The following INPP5D variants were observed in gnomAD, a reference collection of about 807,000 sequenced individuals.
INPP5D encodes inositol polyphosphate-5-phosphatase D, also known as phosphatidylinositol 3,4,5-trisphosphate 5-phosphatase 1.
A neutral mutation model predicts 122.9 loss-of-function variants in INPP5D; 33 were observed. That is an observed-to-expected ratio of 0.27 (90% CI 0.20 to 0.36). INPP5D has a LOEUF of 0.36. Ranked by LOEUF, INPP5D falls within the 10% of genes least tolerant of loss-of-function variation. INPP5D has a pLI of 1.00. For synonymous variants in INPP5D, 584 were observed against 576.2 expected, an observed-to-expected ratio of 1.01 and a Z score of -0.19; for missense variants, 1,053 against 1,412.7, an observed-to-expected ratio of 0.75 and a Z score of 4.08.
intron 5 of INPP5D, among the ~76,000 whole-genome samples, chr2:233,134,771 T>G (rs961947235): frequency 1.3e-5 from 2 of 152,202 alleles, no homozygotes; most frequent in African/African-American, 4.8e-5. Context: ...CAATACAATA[T>G]CTATTACATG....
chr2:233,080,979 A>G (rs958712067), intron 2 of INPP5D, among the ~76,000 whole-genome samples: 3 of 152,200 alleles, frequency 2.0e-5, no homozygotes, highest in African/African-American at 7.2e-5. Context: ...CTCCCTGCGT[A>G]GTTAGGCTGG....
At position 233,207,698 on chromosome 2, in the gene INPP5D, T is replaced by C. The variant is rs1695550080; in HGVS notation, c.*990T>C. 6.6e-6 allele frequency: 1 copy of C among 152,374 alleles called. No homozygotes were observed. Among genetic ancestry groups the C allele is most frequent in the Non-Finnish European group, 1.5e-5 (1 of 68,054 alleles). 9.4% of individuals were successfully genotyped at this position (152,374 alleles called of 1,614,324 possible). ...AGGCTCTTGAAATAGTGCAGCCTTT[T>C]CTTCCTATCTCTGTGGCTTTCAGCT... is the stretch of plus-strand genomic sequence containing the variant. On this transcript the variant is annotated 3_prime_UTR_variant, in exon 27 of 27. Coordinates refer to ENST00000445964, the MANE Select transcript of INPP5D (RefSeq NM_001017915.3). This position sits in a 1 kb window ranked among gnomAD's most constrained non-coding sequence, Gnocchi z 4.6.
chr2:233,170,946 G>C lies in INPP5D; in HGVS notation c.1901-118G>C. On this transcript the variant is annotated intron_variant, in intron 16 of 26. Coordinates refer to ENST00000445964, the MANE Select transcript of INPP5D (RefSeq NM_001017915.3). This position sits in a 1 kb window ranked among gnomAD's most constrained non-coding sequence, Gnocchi z 4.5. ...AAAAGCAGCAGCCTCTCCTCTTGGAGCCTTTCCAGCCATCCTTTCGTCCCC... is the reference window on the plus strand; with the variant it reads ...AAAAGCAGCAGCCTCTCCTCTTGGACCCTTTCCAGCCATCCTTTCGTCCCC... 1 of 1,262,360 alleles carries C rather than the reference G, an allele frequency of 7.9e-7. No individual in the cohort carries two copies. Among genetic ancestry groups the C allele is most frequent in the Non-Finnish European group, 1.1e-6 (1 of 917,802 alleles). The allele number at this position is 1,262,360 out of a possible 1,614,324, so 78.2% of individuals were successfully genotyped here. A position where few individuals can be genotyped will look rare whatever the true frequency, so the allele number is the denominator to read the frequency against.
chr2:233,109,561 GT>G lies in INPP5D; in HGVS notation c.199-12539del, dbSNP rs200417753. Among the ~76,000 whole-genome samples, 5 of 152,118 alleles carry G rather than the reference GT, an allele frequency of 3.3e-5. No homozygotes were observed. In the East Asian group the frequency reaches 5.8e-4, roughly 18 times the overall value. On this transcript the variant is annotated intron_variant, in intron 2 of 26. Coordinates refer to ENST00000445964, the MANE Select transcript of INPP5D (RefSeq NM_001017915.3). ...AAAATAGACACTTTTAGGCAAGATG[GT>G]TTTTTTCTTTCTTTTTTATTTTTTT...
At chr2:233,091,091 C>G (rs1297117422) in intron 2 of INPP5D, among the ~76,000 whole-genome samples, 1 of 152,180 alleles carries the variant, frequency 6.6e-6, no homozygotes, top group Non-Finnish European at 1.5e-5. Flanking sequence ...TCTTATGACA[C>G]TAAACTCCTT....
intron 2 of INPP5D, among the ~76,000 whole-genome samples, chr2:233,112,098 T>G (rs1692648245): frequency 6.6e-6 from 1 of 151,792 alleles, no homozygotes; most frequent in African/African-American, 2.4e-5. Context: ...TGTAATAACA[T>G]TTTTCCTCAA....
chr2:233,131,695 G>A (rs570214034), intron 5 of INPP5D, among the ~76,000 whole-genome samples: 4 of 152,238 alleles, frequency 2.6e-5, no homozygotes, highest in South Asian at 2.1e-4. Flanking sequence ...GCAAGACTCC[G>A]TCTCAAATAA....
At chr2:233,196,865 C>T (rs1344719640) in intron 24 of INPP5D, among the ~76,000 whole-genome samples, 1 of 152,124 alleles carries the variant, frequency 6.6e-6, no homozygotes, top group Non-Finnish European at 1.5e-5. Context: ...CCGCTGTACA[C>T]AGGAATTCTC....
chr2:233,120,768 C>T (rs1007796781), intron 2 of INPP5D: 1 of 152,282 alleles, frequency 6.6e-6, no homozygotes, highest in African/African-American at 2.4e-5. Flanking sequence ...CCGGCTAGAG[C>T]CACAGGGCTT....
intron 2 of INPP5D, among the ~76,000 whole-genome samples, chr2:233,117,290 G>A (rs911725660): frequency 6.6e-6 from 1 of 152,172 alleles, no homozygotes; most frequent in South Asian, 2.1e-4. Context: ...GAACCTGGAC[G>A]CTTCATCGGG....
At chr2:233,182,337 T>C (rs903222994) in intron 18 of INPP5D, 73 bp from the exon 19 acceptor site, 14 of 1,594,978 alleles carry the variant, frequency 8.8e-6, no homozygotes, top group Non-Finnish European at 1.1e-5. Context: ...CTTTCTGCTT[T>C]AGGGTTGCCA....
rs1446815290 is a variant in INPP5D at position 233,082,319 on chromosome 2, G to A, written c.198+2921G>A. The stretch of plus-strand genomic sequence containing the variant: ...AATTAAGCAGACTCAGAGCCCTTCG[G>A]GGAAGCTTTAGCAGTTATTGATCTC... On this transcript the variant is annotated intron_variant, in intron 2 of 26. Coordinates refer to ENST00000445964, the MANE Select transcript of INPP5D (RefSeq NM_001017915.3). The surrounding 1 kb of genome is among the most constrained non-coding windows in gnomAD (Gnocchi z 4.7). Among the ~76,000 whole-genome samples the A allele has an allele frequency of 6.6e-6, 1 of 152,140 alleles. No homozygotes were observed. The highest frequency in any genetic ancestry group is 2.4e-5 in the African/African-American group (1 of 41,434).
intron 2 of INPP5D, among the ~76,000 whole-genome samples, chr2:233,098,592 CTGTT>C (rs1692214993): frequency 6.6e-6 from 1 of 152,240 alleles, no homozygotes; most frequent in African/African-American, 2.4e-5. Flanking sequence ...GAAGCCTCAA[CTGTT>C]TGAAAAACCA....
rs530746394 is a variant in INPP5D at position 233,161,839 on chromosome 2, G to A, written c.1240+13G>A. ...ACCTGGAACATGGGTGGGTCCGCGC[G>A]CCCCCTCCCTGCAGTCACCCCCTCT... On this transcript the variant is annotated intron_variant, in intron 11 of 26. Coordinates refer to ENST00000445964, the MANE Select transcript of INPP5D (RefSeq NM_001017915.3). The A allele has an allele frequency of 8.7e-6, 14 of 1,607,718 alleles. No individual in the cohort carries two copies. The highest frequency in any genetic ancestry group is 2.2e-5 in the East Asian group (1 of 44,560).
intron 2 of INPP5D, among the ~76,000 whole-genome samples, chr2:233,083,642 G>A (rs1386538962): frequency 6.6e-6 from 1 of 152,184 alleles, no homozygotes; most frequent in Non-Finnish European, 1.5e-5. Context: ...TGCCTATCTT[G>A]AGCTGCTCGC....
chr2:233,202,038 A>T, intron 25 of INPP5D, among the ~76,000 whole-genome samples: 1 of 150,982 alleles, frequency 6.6e-6, no homozygotes, highest in East Asian at 2.0e-4. Context: ...CTCCTCTTAG[A>T]GGGAAGGCTT....
intron 1 of INPP5D, among the ~76,000 whole-genome samples, 175 bp downstream of exon 1, chr2:233,060,787 G>A (rs1473483744): frequency 6.6e-6 from 1 of 152,244 alleles, no homozygotes; most frequent in Non-Finnish European, 1.5e-5. Context: ...TCTCATGGCA[G>A]GTTTTGCAGC....
At chr2:233,148,826 C>G (rs1038425031) in intron 9 of INPP5D, among the ~76,000 whole-genome samples, 10 of 152,044 alleles carry the variant, frequency 6.6e-5, no homozygotes, top group Non-Finnish European at 1.3e-4. Flanking sequence ...CACTATGAAG[C>G]CCCCCAAGTC....
chr2:233,195,957 C>T (rs1259860825), intron 24 of INPP5D, among the ~76,000 whole-genome samples: 2 of 152,002 alleles, frequency 1.3e-5, no homozygotes, highest in Non-Finnish European at 2.9e-5. Context: ...GGCAACAGAC[C>T]GAGACTCTGT....
Sources: allele counts gnomAD v4.1 joint callset (sites outside exome capture counted in the v4.1 genomes callset), GRCh38; gene constraint gnomAD v4.1.1; non-coding constraint Gnocchi (gnomAD v3.1); transcripts MANE v1.5; gene names NCBI Gene and HGNC (gene_info 2026-07-23, HGNC 2026-07-21).